The following SELENOF variants were observed in gnomAD, a reference collection of about 807,000 sequenced individuals.
SELENOF encodes the protein selenoprotein F, also known as 15 kDa selenoprotein.
SELENOF carries 16 observed loss-of-function variants against 20.5 expected under a neutral mutation model. The ratio of observed to expected loss-of-function variants is 0.78; its 90% CI spans 0.53 to 1.19. SELENOF has a LOEUF of 1.19. Ranked by LOEUF, SELENOF falls within the 50% of genes most tolerant of loss-of-function variation. SELENOF has a pLI of 0.00. For missense variants in SELENOF, 215 were observed against 194.2 expected (o/e 1.11, Z -0.64); for synonymous variants, 78 against 74.5 (o/e 1.05, Z -0.24).
chr1:86,882,509 A>G (rs558766299), intron 2 of SELENOF, among the ~76,000 whole-genome samples: 156 of 151,478 alleles, frequency 1.0e-3, no homozygotes, highest in African/African-American at 2.2e-3. Flanking sequence ...AAAAAAAAAA[A>G]AGAGATGAGG....
chr1:86,874,739 T>C (rs1018075667), intron 3 of SELENOF, among the ~76,000 whole-genome samples: 1 of 152,024 alleles, frequency 6.6e-6, no homozygotes, highest in South Asian at 2.1e-4. Context: ...CGTGAAAATA[T>C]AAATGAAAAA....
At chr1:86,913,556 A>G (rs1477871378) in intron 1 of SELENOF, among the ~76,000 whole-genome samples, 1 of 152,230 alleles carries the variant, frequency 6.6e-6, no homozygotes, top group Non-Finnish European at 1.5e-5. Context: ...GGAGAACGGA[A>G]GTTAAGAGAC....
intron 3 of SELENOF, among the ~76,000 whole-genome samples, chr1:86,876,250 G>A (rs956861986): frequency 1.3e-5 from 2 of 152,076 alleles, no homozygotes; most frequent in East Asian, 1.9e-4. Context: ...TGGATATAAC[G>A]TGTGAAAGAT....
chr1:86,873,551 T>C (rs1041825692), intron 3 of SELENOF, among the ~76,000 whole-genome samples: 1 of 152,168 alleles, frequency 6.6e-6, no homozygotes, highest in African/African-American at 2.4e-5. Context: ...TTTAGTTTTA[T>C]ATAATTTTAA....
At chr1:86,884,024 G>A (rs1570387164) in intron 2 of SELENOF, among the ~76,000 whole-genome samples, 1 of 152,134 alleles carries the variant, frequency 6.6e-6, no homozygotes, top group Admixed American at 6.6e-5. Flanking sequence ...AACTTTCACA[G>A]AACTTTGTTC....
At chr1:86,898,767 TG>T (rs1357017543) in intron 2 of SELENOF, among the ~76,000 whole-genome samples, 9 of 110,838 alleles carry the variant, frequency 8.1e-5, no homozygotes, top group Middle Eastern at 3.8e-3. Context: ...ATTTTTTTTT[TG>T]TTTGTTTGTT....
At chr1:86,889,465 A>T (rs914089508) in intron 2 of SELENOF, among the ~76,000 whole-genome samples, 3 of 152,062 alleles carry the variant, frequency 2.0e-5, no homozygotes, top group African/African-American at 7.2e-5. Flanking sequence ...GTGGTGGCAC[A>T]TGCCTGTAAT....
intron 2 of SELENOF, among the ~76,000 whole-genome samples, chr1:86,883,394 C>T (rs1470800086): frequency 3.9e-5 from 6 of 151,920 alleles, no homozygotes; most frequent in Admixed American, 6.6e-5. Context: ...GTACTTAATG[C>T]CATAGCACTC....
chr1:86,897,685 T>C (rs1659562087), intron 2 of SELENOF, among the ~76,000 whole-genome samples: 2 of 152,206 alleles, frequency 1.3e-5, no homozygotes, highest in Non-Finnish European at 2.9e-5. Context: ...TCCACAACCC[T>C]AGCTAATAAG....
Position 86,862,482 on chromosome 1 carries a change from A to G in SELENOF, c.*992T>C, listed in dbSNP as rs1188240642. The G allele has an allele frequency of 6.6e-6, 1 of 152,178 alleles. No homozygotes were observed. Among genetic ancestry groups the G allele is most frequent in the Non-Finnish European group, 1.5e-5 (1 of 68,018 alleles). The allele number at this position is 152,178 out of a possible 1,614,324, so 9.4% of individuals were successfully genotyped here. Reference sequence around the variant, plus strand: ...AAATCATTTTTAATATAAAAATTCTATATCAAGAGATATTCCTTAAATAAT... The same window carrying G: ...AAATCATTTTTAATATAAAAATTCTGTATCAAGAGATATTCCTTAAATAAT... On this transcript the variant is annotated 3_prime_UTR_variant, in exon 5 of 5. Coordinates refer to ENST00000331835, the MANE Select transcript of SELENOF (RefSeq NM_004261.5).
intron 2 of SELENOF, among the ~76,000 whole-genome samples, chr1:86,899,729 G>C (rs1053292047): frequency 2.6e-5 from 4 of 151,646 alleles, no homozygotes; most frequent in African/African-American, 9.7e-5. Context: ...CTGCTGGGCG[G>C]AGACGCTCCT....
intron 2 of SELENOF, among the ~76,000 whole-genome samples, chr1:86,899,790 A>G (rs1376352700): frequency 6.7e-6 from 1 of 148,868 alleles, no homozygotes; most frequent in South Asian, 2.1e-4. Flanking sequence ...CACTTCTCAG[A>G]CGGGGCGGCT....
At chr1:86,890,997 A>T (rs1659369000) in intron 2 of SELENOF, among the ~76,000 whole-genome samples, 1 of 151,826 alleles carries the variant, frequency 6.6e-6, no homozygotes, top group African/African-American at 2.4e-5. Context: ...TTCGTCCAAC[A>T]AACAGAATAT....
intron 2 of SELENOF, among the ~76,000 whole-genome samples, chr1:86,889,967 C>A (rs1462648731): frequency 6.6e-6 from 1 of 152,210 alleles, no homozygotes; most frequent in African/African-American, 2.4e-5. Flanking sequence ...TCCGCCTTAT[C>A]AACTATTGTT....
At position 86,899,707 on chromosome 1, in the gene SELENOF, C is replaced by A. The variant is rs1224313323; in HGVS notation, c.252+3574G>T. On this transcript the variant is annotated intron_variant, in intron 2 of 4. Coordinates refer to ENST00000331835, the MANE Select transcript of SELENOF (RefSeq NM_004261.5). ...CGGGGGCTGACCCCCACCTCCCTCCCGGACAGGGCGGCTGCTGGGCGGAGA... is the reference window on the plus strand; with the variant it reads ...CGGGGGCTGACCCCCACCTCCCTCCAGGACAGGGCGGCTGCTGGGCGGAGA... Among the ~76,000 whole-genome samples the A allele has an allele frequency of 4.6e-4, 69 of 151,618 alleles. 2 individuals are homozygous for A. In the East Asian group the frequency reaches 0.013, roughly 28 times the overall value.
At chr1:86,893,581 G>C (rs1029971429) in intron 2 of SELENOF, among the ~76,000 whole-genome samples, 1 of 151,820 alleles carries the variant, frequency 6.6e-6, no homozygotes, top group Non-Finnish European at 1.5e-5. Context: ...TTGCACCACT[G>C]TACTCCAGCC....
At chr1:86,883,010 C>G (rs1268463370) in intron 2 of SELENOF, among the ~76,000 whole-genome samples, 1 of 151,850 alleles carries the variant, frequency 6.6e-6, no homozygotes, top group East Asian at 1.9e-4. Flanking sequence ...GCCTTAATCC[C>G]AGCTGCTTGG....
intron 2 of SELENOF, among the ~76,000 whole-genome samples, chr1:86,882,115 C>A (rs1319649867): frequency 6.6e-6 from 1 of 151,368 alleles, no homozygotes; most frequent in African/African-American, 2.4e-5. Context: ...GCCTGTAATC[C>A]CAGCTACTCG....
chr1:86,882,998 G>A (rs1247229496), intron 2 of SELENOF, among the ~76,000 whole-genome samples: 1 of 151,904 alleles, frequency 6.6e-6, no homozygotes, highest in Non-Finnish European at 1.5e-5. Context: ...GTGGTGGCAG[G>A]CGCCTTAATC....
Sources: allele counts gnomAD v4.1 joint callset (sites outside exome capture counted in the v4.1 genomes callset), GRCh38; gene constraint gnomAD v4.1.1; transcripts MANE v1.5; gene names NCBI Gene and HGNC (gene_info 2026-07-23, HGNC 2026-07-21).